Variants in MYO5A observed in about 807,000 individuals in gnomAD.
The protein encoded by MYO5A is myosin VA, also known as unconventional myosin-Va.
Under a neutral mutation model 249.7 loss-of-function variants are expected in MYO5A, and 98 were observed. That is an observed-to-expected ratio of 0.39 (90% confidence interval 0.33 to 0.46). MYO5A has a LOEUF of 0.46. MYO5A is among the 20% of genes least tolerant of loss of function. The probability of loss-of-function intolerance (pLI) is 0.98; values close to 1 mark genes in which losing one functional copy is unlikely to be tolerated. For synonymous variants in MYO5A, 778 were observed against 810.6 expected (o/e 0.96, Z 0.68); for missense variants, 1,696 against 2,308.8 (o/e 0.73, Z 5.44).
intron 5 of MYO5A, 88 bp from the exon 6 acceptor site, chr15:52,410,564 G>T: frequency 1.4e-5 from 17 of 1,198,832 alleles, no homozygotes; most frequent in Non-Finnish European, 2.0e-5. Context: ...AAAAGATGGA[G>T]TAGAACACAG....
chr15:52,416,344 C>T (rs1386497566), intron 4 of MYO5A, 43 bp from the exon 5 acceptor site: 2 of 1,589,592 alleles, frequency 1.3e-6, no homozygotes, highest in Non-Finnish European at 1.7e-6. Context: ...CCATTGCTGC[C>T]TATAGCAGGA....
In MYO5A at chr15:52,488,733, T is replaced by G. The variant is rs979637169; in HGVS notation, c.27+40047A>C. ...CAAATGTGCAGAAGGCTGTTATTTG[T>G]TGAAGCTGCGGGCTTGGGGGGATTT... On this transcript the variant is annotated intron_variant, in intron 1 of 41. Transcript: ENST00000399233. Among the ~76,000 whole-genome samples the G allele has an allele frequency of 2.0e-5, 3 of 152,028 alleles. No individual in the cohort carries two copies. The East Asian group carries it at 5.8e-4, about 29-fold the overall frequency.
At chr15:52,456,318 A>T (rs2076118490) in intron 1 of MYO5A, among the ~76,000 whole-genome samples, 1 of 152,210 alleles carries the variant, frequency 6.6e-6, no homozygotes, top group Non-Finnish European at 1.5e-5. Context: ...TAAAGAGGAC[A>T]CACAAAAACA....
At position 52,528,838 on chromosome 15, in the gene MYO5A, G is replaced by C; in HGVS notation, c.-32C>G. 6.8e-7 allele frequency: 1 copy of C among 1,466,218 alleles called. No homozygotes were observed. Among genetic ancestry groups the C allele is most frequent in the Non-Finnish European group, 9.0e-7 (1 of 1,113,362 alleles). The allele number at this position is 1,466,218 out of a possible 1,614,324, so 90.8% of individuals were successfully genotyped here. On this transcript the variant is annotated 5_prime_UTR_variant, in exon 1 of 42. Transcript: ENST00000399233. ...CCCCGCGCGCCTACGCCCCCCGCCT[G>C]TGCGGAGGCCGCACCTCGCCTGGGC... is the stretch of plus-strand genomic sequence containing the variant.
intron 1 of MYO5A, among the ~76,000 whole-genome samples, chr15:52,454,142 C>T (rs904108943): frequency 6.6e-5 from 10 of 151,804 alleles, no homozygotes; most frequent in South Asian, 2.1e-4. Context: ...TAAAGACATA[C>T]GTAGACTGAA....
chr15:52,400,853 T>C (rs2042720345), intron 9 of MYO5A, among the ~76,000 whole-genome samples: 1 of 152,214 alleles, frequency 6.6e-6, no homozygotes, highest in Non-Finnish European at 1.5e-5. Flanking sequence ...TTAATACATG[T>C]CTTGTGGGAA....
intron 1 of MYO5A, among the ~76,000 whole-genome samples, chr15:52,457,138 C>T (rs1183174140): frequency 6.6e-6 from 1 of 152,030 alleles, no homozygotes; most frequent in Non-Finnish European, 1.5e-5. Flanking sequence ...AACAAATAAT[C>T]TCATTAAAAA....
At chr15:52,424,305 A>G (rs1218533983) in intron 4 of MYO5A, among the ~76,000 whole-genome samples, 1 of 152,220 alleles carries the variant, frequency 6.6e-6, no homozygotes, top group Non-Finnish European at 1.5e-5. Flanking sequence ...TAATACATTA[A>G]TATTTCATAA....
intron 8 of MYO5A, 97 bp downstream of exon 8, chr15:52,407,195 T>C: frequency 3.5e-6 from 3 of 846,168 alleles, no homozygotes; most frequent in Middle Eastern, 2.2e-4. Context: ...CTAGCAATAC[T>C]TGCCACTTAA....
intron 1 of MYO5A, among the ~76,000 whole-genome samples, chr15:52,519,616 AAATAATAAT>A (rs976995501): frequency 8.1e-5 from 5 of 61,602 alleles, no homozygotes; most frequent in African/African-American, 2.1e-4. Flanking sequence ...TGTCTAAAAA[AAATAATAAT>A]AATAATAATA....
At chr15:52,490,435 C>A (rs1019177482) in intron 1 of MYO5A, among the ~76,000 whole-genome samples, 5 of 152,084 alleles carry the variant, frequency 3.3e-5, no homozygotes. Flanking sequence ...TGAAAGATGT[C>A]ACGACATGGA....
In MYO5A at chr15:52,351,920, C is replaced by T. The variant is rs192501185; in HGVS notation, c.3622-439G>A. 3.9e-5 allele frequency among the ~76,000 whole-genome samples: 6 copies of T among 152,342 alleles called. No individual in the cohort carries two copies. In the East Asian group the frequency reaches 9.6e-4, roughly 24 times the overall value. On this transcript the variant is annotated intron_variant, in intron 27 of 41. Transcript: ENST00000399233. ...TCCCTGAAGTCTTTAGTAGTCTCCTCTTACTTCCTTTATAAAGCAGAATGG... is the reference window on the plus strand; with the variant it reads ...TCCCTGAAGTCTTTAGTAGTCTCCTTTTACTTCCTTTATAAAGCAGAATGG...
At chr15:52,405,032 CTCTT>C (rs2042936452) in intron 9 of MYO5A, among the ~76,000 whole-genome samples, 1 of 129,202 alleles carries the variant, frequency 7.7e-6, no homozygotes, top group Non-Finnish European at 1.6e-5. Context: ...CCAACCCTCT[CTCTT>C]TCTCTCTCTC....
chr15:52,487,723 CAAA>C (rs57515007), intron 1 of MYO5A, among the ~76,000 whole-genome samples: 1 of 87,650 alleles, frequency 1.1e-5, no homozygotes, highest in Non-Finnish European at 2.5e-5. Flanking sequence ...GACTCTGTCT[CAAA>C]AAAAAAAAAA....
chr15:52,321,012 C>CAAA (rs202041721), intron 38 of MYO5A, among the ~76,000 whole-genome samples: 2 of 89,276 alleles, frequency 2.2e-5, no homozygotes, highest in African/African-American at 7.6e-5. Context: ...GACTCTGTCT[C>CAAA]AAAAAAAAAA....
chr15:52,499,974 C>A (rs773801436), intron 1 of MYO5A, among the ~76,000 whole-genome samples: 15 of 152,104 alleles, frequency 9.9e-5, no homozygotes, highest in Non-Finnish European at 2.2e-4. Context: ...CTTGGGTGAT[C>A]AGAGGATTTT....
At chr15:52,383,755 A>C (rs1283768684) in intron 15 of MYO5A, among the ~76,000 whole-genome samples, 2 of 152,094 alleles carry the variant, frequency 1.3e-5, no homozygotes, top group Non-Finnish European at 2.9e-5. Context: ...TCAAAGCCCT[A>C]CTCCCTGTTC....
chr15:52,445,408 C>A (rs2075867456), intron 1 of MYO5A, among the ~76,000 whole-genome samples: 1 of 152,106 alleles, frequency 6.6e-6, no homozygotes, highest in African/African-American at 2.4e-5. Context: ...GCCAATTAAA[C>A]CCCTTTTCTT....
chr15:52,441,481 C>T (rs1297711900), intron 1 of MYO5A, among the ~76,000 whole-genome samples: 1 of 152,194 alleles, frequency 6.6e-6, no homozygotes, highest in Non-Finnish European at 1.5e-5. Context: ...TCCTGCTCCC[C>T]ACCAATTTTC....
Sources: allele counts gnomAD v4.1 joint callset (sites outside exome capture counted in the v4.1 genomes callset), GRCh38; gene constraint gnomAD v4.1.1; transcripts MANE v1.5; gene names NCBI Gene and HGNC (gene_info 2026-07-23, HGNC 2026-07-21).